The following STK33 variants were observed in gnomAD, a reference collection of about 807,000 sequenced individuals.
STK33 encodes serine/threonine kinase 33, also known as serine/threonine-protein kinase 33.
STK33 carries 52 observed loss-of-function variants against 58.0 expected under a neutral mutation model. The ratio of observed to expected loss-of-function variants is 0.90; its 90% confidence interval spans 0.72 to 1.13. The LOEUF (loss-of-function observed/expected upper bound fraction) is 1.13. Among genes scored for constraint, STK33 ranks in the 50% most tolerant of loss-of-function variants. STK33 has a pLI of 0.00. For missense variants in STK33, 630 were observed against 604.2 expected (o/e 1.04, Z -0.45); for synonymous variants, 215 against 200.1 (o/e 1.07, Z -0.63).
chr11:8,385,901 A>G, the STK33 span, among the ~76,000 whole-genome samples: 7,231 of 151,982 alleles, frequency 0.048, 252 homozygotes, highest in Non-Finnish European at 0.065. Context: ...CAGCCTCCCG[A>G]GTAGCTGGGA....
intron 1 of STK33, among the ~76,000 whole-genome samples, chr11:8,493,916 C>T (rs574843851): frequency 1.2e-4 from 19 of 152,290 alleles, no homozygotes; most frequent in Non-Finnish European, 2.2e-4. Context: ...GCTAAAGACT[C>T]TCAAAAAACT....
chr11:8,358,045 CT>C, the STK33 span, among the ~76,000 whole-genome samples: 1 of 152,232 alleles, frequency 6.6e-6, no homozygotes, highest in African/African-American at 2.4e-5. Flanking sequence ...CACTCAGCCT[CT>C]TTTCCTAGCT....
At chr11:8,396,372 T>C (rs955533652) in intron 15 of STK33, among the ~76,000 whole-genome samples, 1 of 152,226 alleles carries the variant, frequency 6.6e-6, no homozygotes, top group African/African-American at 2.4e-5. Flanking sequence ...TCTTGTAAAA[T>C]ACTGTATGTG....
At chr11:8,393,965 C>T (rs77261440) in intron 15 of STK33, among the ~76,000 whole-genome samples, 8,954 of 152,126 alleles carry the variant, frequency 0.059, 456 homozygotes, top group East Asian at 0.27. Flanking sequence ...GAACATCACT[C>T]GTGTCTGATT....
At chr11:8,390,819 G>A (rs1316910646), downstream of STK33, among the ~76,000 whole-genome samples, 1 of 152,126 alleles carries the variant, frequency 6.6e-6, no homozygotes, top group Non-Finnish European at 1.5e-5. Flanking sequence ...GAGCAGAATC[G>A]CTAATTTTTA....
chr11:8,574,328 T>G (rs998905625), intron 1 of STK33, among the ~76,000 whole-genome samples: 3 of 152,216 alleles, frequency 2.0e-5, no homozygotes, highest in Non-Finnish European at 1.5e-5. Context: ...GGTTGAAGCG[T>G]GCTCAGAGTC....
At chr11:8,418,871 G>C (rs1163667017) in intron 14 of STK33, among the ~76,000 whole-genome samples, 1 of 151,878 alleles carries the variant, frequency 6.6e-6, no homozygotes, top group Non-Finnish European at 1.5e-5. Flanking sequence ...TCGTATGCTT[G>C]TTGGCTGCAT....
In STK33 at chr11:8,425,918, A is replaced by AACACCAGGGCAGCATCTGGAGGT. The variant is rs1316472386; in HGVS notation, c.1146+9553_1146+9575dup. Among the ~76,000 whole-genome samples, 58 of 152,216 alleles carry AACACCAGGGCAGCATCTGGAGGT rather than the reference A, an allele frequency of 3.8e-4. 1 individual carries two copies. In the Middle Eastern group the frequency reaches 0.027, roughly 71 times the overall value. On this transcript the variant is annotated intron_variant, in intron 14 of 15. Coordinates refer to ENST00000687296, the MANE Select transcript of STK33 (RefSeq NM_001352389.2). ...TGCAGATGGGCACATGTGGGGTTCC[A>AACACCAGGGCAGCATCTGGAGGT]ACACCAGGGCAGCATCTGGAGGTGA... is the stretch of plus-strand genomic sequence containing the variant.
chr11:8,351,364 T>G, the STK33 span, among the ~76,000 whole-genome samples: 1 of 152,196 alleles, frequency 6.6e-6, no homozygotes, highest in Non-Finnish European at 1.5e-5. Flanking sequence ...CAGTCCACAC[T>G]TACTGTGGCA....
the STK33 span, among the ~76,000 whole-genome samples, chr11:8,365,465 G>A: frequency 6.6e-6 from 1 of 152,216 alleles, no homozygotes; most frequent in Non-Finnish European, 1.5e-5. Context: ...TGCAGTGACA[G>A]TAACAAATTC....
chr11:8,439,869 T>TTATATACATATATATATATATA (rs1944511942), intron 12 of STK33, among the ~76,000 whole-genome samples: 1 of 107,274 alleles, frequency 9.3e-6, no homozygotes, highest in Non-Finnish European at 1.9e-5. Context: ...TATATTATAA[T>TTATATACATATATATATATATA]TATATATATA....
At chr11:8,533,903 T>A (rs1418452205) in intron 1 of STK33, among the ~76,000 whole-genome samples, 1 of 152,218 alleles carries the variant, frequency 6.6e-6, no homozygotes, top group Non-Finnish European at 1.5e-5. Flanking sequence ...GGGTGAAATG[T>A]ATCAACAAAG....
chr11:8,576,913 A>C (rs1290899581), intron 1 of STK33, among the ~76,000 whole-genome samples: 1 of 152,184 alleles, frequency 6.6e-6, no homozygotes, highest in African/African-American at 2.4e-5. Flanking sequence ...AAAACCTTGA[A>C]TAAGACATGA....
Position 8,467,694 on chromosome 11 carries a change from C to T in STK33, c.340-2872G>A, listed in dbSNP as rs193004324. On this transcript the variant is annotated intron_variant, in intron 6 of 15. Coordinates refer to ENST00000687296, the MANE Select transcript of STK33 (RefSeq NM_001352389.2). ...GGGTGCAGTGGCTCATGCCTGTAATCCCAGTATTTTGGGAGGCCAAGGCAG... is the reference window on the plus strand; with the variant it reads ...GGGTGCAGTGGCTCATGCCTGTAATTCCAGTATTTTGGGAGGCCAAGGCAG... 5.2e-3 allele frequency: 789 copies of T among 152,758 alleles called. 4 individuals are homozygous for T. The highest frequency in any genetic ancestry group is 8.4e-3 in the Non-Finnish European group (576 of 68,390). 9.5% of individuals were successfully genotyped at this position (152,758 alleles called of 1,614,324 possible). A position where few individuals can be genotyped will look rare whatever the true frequency, so the allele number is the denominator to read the frequency against.
the STK33 span, among the ~76,000 whole-genome samples, chr11:8,340,118 T>C: frequency 1.3e-5 from 2 of 152,252 alleles, no homozygotes; most frequent in African/African-American, 4.8e-5. Flanking sequence ...TCCAACAGCC[T>C]GGAAACAGGC....
At chr11:8,366,303 G>T in the STK33 span, among the ~76,000 whole-genome samples, 1 of 152,306 alleles carries the variant, frequency 6.6e-6, no homozygotes, top group South Asian at 2.1e-4. Context: ...TTGCAGCCCA[G>T]GCCCTCTCCT....
At chr11:8,536,972 A>ATTTTTTTTTTTT (rs1232336873) in intron 1 of STK33, among the ~76,000 whole-genome samples, 4 of 65,734 alleles carry the variant, frequency 6.1e-5, no homozygotes, top group Admixed American at 2.9e-4. Flanking sequence ...AAAAAAAAAG[A>ATTTTTTTTTTTT]TTTTTTTTTT....
chr11:8,575,246 A>C (rs1200864327), intron 1 of STK33, among the ~76,000 whole-genome samples: 1 of 152,196 alleles, frequency 6.6e-6, no homozygotes, highest in Non-Finnish European at 1.5e-5. Flanking sequence ...TTCTACTCCT[A>C]GGTATACATG....
intron 15 of STK33, among the ~76,000 whole-genome samples, chr11:8,398,999 C>T (rs530383924): frequency 7.2e-5 from 11 of 152,260 alleles, no homozygotes; most frequent in African/African-American, 2.6e-4. Flanking sequence ...GAGACTTAGA[C>T]TCCAACACAA....
Sources: gnomAD v4.1 joint callset for allele counts (sites outside exome capture counted in the v4.1 genomes callset) on GRCh38, gnomAD v4.1.1 for gene constraint, MANE v1.5 for transcripts, NCBI Gene and HGNC (gene_info 2026-07-23, HGNC 2026-07-21) for gene names.